SPOPL: variants seen among roughly 807,000 people sequenced by gnomAD.
SPOPL encodes the protein speckle-type POZ protein-like.
SPOPL carries 23 observed loss-of-function variants against 53.8 expected under a neutral mutation model. The ratio of observed to expected loss-of-function variants is 0.43; its 90% CI spans 0.31 to 0.61. The LOEUF is 0.61. SPOPL is among the 20% of genes least tolerant of loss of function. SPOPL has a pLI of 0.12. For synonymous variants in SPOPL, 164 were observed against 149.7 expected (o/e 1.10, Z -0.70); for missense variants, 442 against 466.9 (o/e 0.95, Z 0.49).
rs779159922 is a variant in SPOPL, at chr2:138,552,573, A to G, written c.372A>G (p.Arg124=). 6.2e-7 allele frequency: 1 copy of G among 1,611,668 alleles called. No individual in the cohort carries two copies. The highest frequency in any genetic ancestry group is 1.1e-5 in the South Asian group (1 of 90,622). The change falls in exon 5 of 11, where the codon CGA becomes CGG. Residue 124 remains arginine (R), a synonymous_variant. Transcript: ENST00000280098. ...TKAMESQRAY[R]FVQGKDWGFK... Reference sequence around the variant, plus strand: ...CACCAGAAAGCCAAAGAGCATATCGATTTGTGCAAGGGAAGGACTGGGGTT... The same window carrying G: ...CACCAGAAAGCCAAAGAGCATATCGGTTTGTGCAAGGGAAGGACTGGGGTT...
At chr2:138,514,147 T>C (rs1044001055) in intron 1 of SPOPL, among the ~76,000 whole-genome samples, 5 of 152,158 alleles carry the variant, frequency 3.3e-5, no homozygotes, top group African/African-American at 1.2e-4. Context: ...TTTGCCAAGG[T>C]TGAGGACCTG....
At position 138,528,861 on chromosome 2, in the gene SPOPL, G is replaced by A. The variant is rs1004678335; in HGVS notation, c.-60-21296G>A. 3.3e-5 allele frequency among the ~76,000 whole-genome samples: 5 copies of A among 152,030 alleles called. No homozygotes were observed. In the South Asian group the frequency reaches 8.3e-4, roughly 25 times the overall value. ...TGGGTAGGTTACTTTGCATTTTTGC[G>A]ACCTAGTTTACTTATCTATAATATT... On this transcript the variant is annotated intron_variant, in intron 1 of 10. Coordinates refer to ENST00000280098, the MANE Select transcript of SPOPL (RefSeq NM_001001664.3).
In SPOPL at chr2:138,501,803, T is replaced by A. The variant is rs1451249383; in HGVS notation, c.-377T>A. 6.6e-6 allele frequency: 1 copy of A among 151,042 alleles called. No homozygotes were observed. Among genetic ancestry groups the A allele is most frequent in the Admixed American group, 6.6e-5 (1 of 15,064 alleles). The allele number at this position is 151,042 out of a possible 1,614,324, so 9.4% of individuals were successfully genotyped here. A position where few individuals can be genotyped will look rare whatever the true frequency, so the allele number is the denominator to read the frequency against. The stretch of plus-strand genomic sequence containing the variant: ...TCGCGGGCTGGAGCCGGGGCTGGAG[T>A]CGTAACTCGGAAGCCGGAGCCCAGA... On this transcript the variant is annotated 5_prime_UTR_variant, in exon 1 of 11. Coordinates refer to ENST00000280098, the MANE Select transcript of SPOPL (RefSeq NM_001001664.3).
chr2:138,504,233 C>G (rs1684166425), intron 1 of SPOPL, among the ~76,000 whole-genome samples: 1 of 152,154 alleles, frequency 6.6e-6, no homozygotes, highest in African/African-American at 2.4e-5. Context: ...GGAACATGTT[C>G]CATACTTGGG....
At chr2:138,548,547 G>A (rs1331411546) in intron 1 of SPOPL, among the ~76,000 whole-genome samples, 3 of 151,144 alleles carry the variant, frequency 2.0e-5, no homozygotes, top group East Asian at 3.9e-4. Context: ...CTCATCTTTT[G>A]GATTTTTCCT....
intron 8 of SPOPL, among the ~76,000 whole-genome samples, chr2:138,561,300 A>G (rs778286662): frequency 1.7e-4 from 26 of 152,202 alleles, no homozygotes; most frequent in Non-Finnish European, 1.6e-4. Flanking sequence ...ATATTATGTA[A>G]CTTAATTCTC....
intron 10 of SPOPL, among the ~76,000 whole-genome samples, chr2:138,568,620 A>T (rs965666664): frequency 1.3e-5 from 2 of 152,178 alleles, no homozygotes; most frequent in Non-Finnish European, 2.9e-5. Context: ...AATCTGCCTT[A>T]TAAGAGGCAT....
At chr2:138,524,969 C>T (rs1048497946) in intron 1 of SPOPL, among the ~76,000 whole-genome samples, 1 of 152,178 alleles carries the variant, frequency 6.6e-6, no homozygotes, top group African/African-American at 2.4e-5. Context: ...GTTCCAGTCT[C>T]TGCCTGTTAC....
chr2:138,523,188 G>A lies in SPOPL; in HGVS notation c.-61+21069G>A, dbSNP rs558483677. Among the ~76,000 whole-genome samples the A allele has an allele frequency of 6.6e-5, 10 of 152,256 alleles. No individual in the cohort carries two copies. In the South Asian group the frequency reaches 1.7e-3, roughly 25 times the overall value. On this transcript the variant is annotated intron_variant, in intron 1 of 10. Coordinates refer to ENST00000280098, the MANE Select transcript of SPOPL (RefSeq NM_001001664.3). ...ACGTGGCTGGGGAAGCCTCACAATC[G>A]TGGCAGAAGGCACATCTCACATGAC... is the stretch of plus-strand genomic sequence containing the variant.
In SPOPL at chr2:138,555,225, C is replaced by T. The variant is rs950107669; in HGVS notation, c.480+2544C>T. On this transcript the variant is annotated intron_variant, in intron 5 of 10. Coordinates refer to ENST00000280098, the MANE Select transcript of SPOPL (RefSeq NM_001001664.3). ...GTCTCAGTAAACACATTAATCCATT[C>T]ATGAGGTTAGAGTCCTCATAACCTA... Among the ~76,000 whole-genome samples the T allele has an allele frequency of 2.1e-4, 32 of 151,072 alleles. 1 individual carries two copies. The highest frequency in any genetic ancestry group is 1.8e-3 in the Admixed American group (28 of 15,154).
chr2:138,505,257 G>C (rs1035379292), intron 1 of SPOPL, among the ~76,000 whole-genome samples: 3 of 152,116 alleles, frequency 2.0e-5, no homozygotes, highest in African/African-American at 7.2e-5. Context: ...TTCATCAAAA[G>C]TCTTATGTCA....
Position 138,564,745 on chromosome 2 carries a change from C to CT in SPOPL, c.878dup (p.Leu293PhefsTer3). 1 of 1,614,132 alleles carries CT rather than the reference C, an allele frequency of 6.2e-7. No homozygotes were observed. On this transcript the variant is annotated frameshift_variant, in exon 9 of 11. Transcript: ENST00000280098. LOFTEE classifies it high-confidence loss of function. Reference sequence around the variant, plus strand: ...CGGCTGAAGGTCATGTGCGAAGAAGCTTTGTGTAGTAACCTCTCAGTAGAG... The same window carrying CT: ...CGGCTGAAGGTCATGTGCGAAGAAGCTTTTGTGTAGTAACCTCTCAGTAGAG...
intron 1 of SPOPL, among the ~76,000 whole-genome samples, chr2:138,502,734 C>T: frequency 6.6e-6 from 1 of 152,148 alleles, no homozygotes; most frequent in Non-Finnish European, 1.5e-5. Flanking sequence ...CCGCGCGGTT[C>T]GGGGTCCAAG....
rs1169614974 is a variant in SPOPL at position 138,505,594 on chromosome 2, T to TAAAAAA, written c.-61+3498_-61+3503dup. 1.2e-3 allele frequency among the ~76,000 whole-genome samples: 92 copies of TAAAAAA among 75,090 alleles called. 4 individuals carry two copies. Among genetic ancestry groups the TAAAAAA allele is most frequent in the African/African-American group, 6.0e-3 (86 of 14,222 alleles). The allele number at this position is 75,090 out of a possible 152,430, so 49.3% of individuals were successfully genotyped here. The stretch of plus-strand genomic sequence containing the variant: ...CAACATGGTGAAACTGTGTCTCTTC[T>TAAAAAA]AAAAAAAAAAAAAAAAAAAAAAAAA... On this transcript the variant is annotated intron_variant, in intron 1 of 10. Coordinates refer to ENST00000280098, the MANE Select transcript of SPOPL (RefSeq NM_001001664.3).
At chr2:138,562,304 G>T (rs1356420846) in intron 8 of SPOPL, among the ~76,000 whole-genome samples, 1 of 151,994 alleles carries the variant, frequency 6.6e-6, no homozygotes, top group Non-Finnish European at 1.5e-5. Flanking sequence ...AGACAGTGTT[G>T]TATTGGTGTT....
chr2:138,529,723 T>C (rs960912658), intron 1 of SPOPL, among the ~76,000 whole-genome samples: 2 of 152,236 alleles, frequency 1.3e-5, no homozygotes, highest in Admixed American at 1.3e-4. Context: ...CATGTAAGTT[T>C]TAGAATCAAC....
At chr2:138,512,424 A>C (rs1485825420) in intron 1 of SPOPL, among the ~76,000 whole-genome samples, 3 of 152,202 alleles carry the variant, frequency 2.0e-5, no homozygotes, top group Non-Finnish European at 4.4e-5. Flanking sequence ...AAACTGATTC[A>C]GAAATTTTTT....
chr2:138,538,398 A>G (rs1223238948), intron 1 of SPOPL, among the ~76,000 whole-genome samples: 2 of 152,078 alleles, frequency 1.3e-5, no homozygotes, highest in African/African-American at 4.8e-5. Context: ...TGGTGTATAT[A>G]TGTTTGTACT....
rs1685529396 is a variant in SPOPL, at chr2:138,560,806, A to G, written c.716A>G (p.Asn239Ser). The change falls in exon 8 of 11, where the codon AAT becomes AGT. Residue 239 changes from asparagine (N) to serine (S), a missense_variant and splice_region_variant. Coordinates refer to ENST00000280098, the MANE Select transcript of SPOPL (RefSeq NM_001001664.3). ...TTTTGTGTTGTTTTTCGATATCAGA[A>G]TCGAGTGGAAATAAATGATTTAGAC... ...FEHEMEESKK[N>S]RVEINDLDPE... The G allele has an allele frequency of 6.3e-7, 1 of 1,583,650 alleles. No homozygotes were observed. Among genetic ancestry groups the G allele is most frequent in the Non-Finnish European group, 8.5e-7 (1 of 1,171,056 alleles).
Sources: allele counts gnomAD v4.1 joint callset (sites outside exome capture counted in the v4.1 genomes callset), GRCh38; gene constraint gnomAD v4.1.1; transcripts MANE v1.5; gene names NCBI Gene and HGNC (gene_info 2026-07-23, HGNC 2026-07-21).